LGSN: variants seen among roughly 807,000 people sequenced by gnomAD.
The protein encoded by LGSN is lengsin, lens protein with glutamine synthetase domain.
A neutral mutation model predicts 19.5 loss-of-function variants in LGSN; 21 were observed. The ratio of observed to expected loss-of-function variants is 1.07; its 90% CI spans 0.76 to 1.55. The LOEUF (loss-of-function observed/expected upper bound fraction) is 1.55. Among genes scored for constraint, LGSN ranks in the 40% most tolerant of loss-of-function variants. The pLI is 0.00. For synonymous variants in LGSN, 257 were observed against 215.6 expected, an observed-to-expected ratio of 1.19 and a Z score of -1.68; for missense variants, 673 against 608.5, an observed-to-expected ratio of 1.11 and a Z score of -1.12.
At chr6:63,296,482 A>G (rs1451922974) in intron 1 of LGSN, among the ~76,000 whole-genome samples, 1 of 151,154 alleles carries the variant, frequency 6.6e-6, no homozygotes, top group African/African-American at 2.4e-5. Context: ...GCATATGTAT[A>G]TATTTATTTT....
At chr6:63,349,164 C>CCATA in the LGSN span, among the ~76,000 whole-genome samples, 4,933 of 152,250 alleles carry the variant, frequency 0.032, 219 homozygotes, top group African/African-American at 0.1. Context: ...TTCTTACATG[C>CCATA]CATAGGCTGC....
At chr6:63,436,373 T>C in the LGSN span, among the ~76,000 whole-genome samples, 1 of 152,186 alleles carries the variant, frequency 6.6e-6, no homozygotes, top group South Asian at 2.1e-4. Flanking sequence ...AGTGCTGGGA[T>C]TATAGGCATG....
chr6:63,378,620 A>C, the LGSN span, among the ~76,000 whole-genome samples: 1 of 152,184 alleles, frequency 6.6e-6, no homozygotes, highest in Non-Finnish European at 1.5e-5. Context: ...AGGCAACGGA[A>C]AGGCACATGC....
chr6:63,390,447 T>A, the LGSN span, among the ~76,000 whole-genome samples: 17 of 151,828 alleles, frequency 1.1e-4, no homozygotes, highest in Non-Finnish European at 2.2e-4. Flanking sequence ...CAAATTTTGA[T>A]CAACTATTAT....
chr6:63,432,102 AAAGAAAGAAAGAAAGAAAG>A, the LGSN span, among the ~76,000 whole-genome samples: 1 of 87,938 alleles, frequency 1.1e-5, no homozygotes, highest in Non-Finnish European at 2.3e-5. Context: ...AGAAAGAAAG[AAAGAAAGAAAGAAAGAAAG>A]AAAGAAAGAA....
At chr6:63,568,154 C>G in the LGSN span, among the ~76,000 whole-genome samples, 1 of 152,240 alleles carries the variant, frequency 6.6e-6, no homozygotes, top group Non-Finnish European at 1.5e-5. Context: ...GCACTTTTAA[C>G]TTCCTTCAAG....
the LGSN span, among the ~76,000 whole-genome samples, chr6:63,452,349 A>G: frequency 6.6e-6 from 1 of 152,046 alleles, no homozygotes. Context: ...CGTGGGCTGA[A>G]GCAATACTCC....
the LGSN span, among the ~76,000 whole-genome samples, chr6:63,368,749 G>T: frequency 6.6e-6 from 1 of 152,164 alleles, no homozygotes; most frequent in Non-Finnish European, 1.5e-5. Context: ...TGAAGACAAA[G>T]ATTTTTATCT....
chr6:63,435,172 T>C, the LGSN span, among the ~76,000 whole-genome samples: 1 of 152,242 alleles, frequency 6.6e-6, no homozygotes, highest in South Asian at 2.1e-4. Flanking sequence ...AGAAGATAAG[T>C]GTGGCATCAA....
upstream of LGSN, among the ~76,000 whole-genome samples, chr6:63,323,029 C>A (rs886705740): frequency 4.6e-5 from 7 of 152,136 alleles, no homozygotes; most frequent in African/African-American, 1.7e-4. Context: ...AGTTTAAAAT[C>A]ATTTTAATTT....
the LGSN span, among the ~76,000 whole-genome samples, chr6:63,561,833 C>T: frequency 6.6e-6 from 1 of 152,242 alleles, no homozygotes; most frequent in Non-Finnish European, 1.5e-5. Flanking sequence ...AACATGGAAT[C>T]AGAACGAAAG....
the LGSN span, among the ~76,000 whole-genome samples, chr6:63,434,311 G>A: frequency 1.3e-5 from 2 of 150,588 alleles, no homozygotes; most frequent in African/African-American, 2.4e-5. Context: ...ATGGTGGTGG[G>A]CGCCTGTGAT....
the LGSN span, among the ~76,000 whole-genome samples, chr6:63,406,181 C>G: frequency 6.6e-6 from 1 of 152,112 alleles, no homozygotes; most frequent in Non-Finnish European, 1.5e-5. Flanking sequence ...GCAGACCTAA[C>G]AGACATCTAC....
At chr6:63,337,387 C>T in the LGSN span, among the ~76,000 whole-genome samples, 1 of 151,688 alleles carries the variant, frequency 6.6e-6, no homozygotes, top group Non-Finnish European at 1.5e-5. Flanking sequence ...CACTTGAACC[C>T]AAGAGGCAGA....
At chr6:63,416,936 C>CATATGTATGT in the LGSN span, among the ~76,000 whole-genome samples, 3 of 118,400 alleles carry the variant, frequency 2.5e-5, no homozygotes, top group African/African-American at 1.1e-4. Flanking sequence ...TGTATGTACA[C>CATATGTATGT]ACACACACAC....
At position 63,290,637 on chromosome 6, in the gene LGSN, C is replaced by T. The variant is rs1393277345; in HGVS notation, c.163+4276G>A. 2.0e-5 allele frequency among the ~76,000 whole-genome samples: 3 copies of T among 152,204 alleles called. No homozygotes were observed. The East Asian group carries it at 5.8e-4, about 29-fold the overall frequency. On this transcript the variant is annotated intron_variant, in intron 2 of 3. Coordinates refer to ENST00000370657, the MANE Select transcript of LGSN (RefSeq NM_016571.3). Reference sequence around the variant, plus strand: ...GGAACTCTGAGGTAGTCTAGATGGGCAGGCAACCTCTACTTCACGGGGTGG... The same window carrying T: ...GGAACTCTGAGGTAGTCTAGATGGGTAGGCAACCTCTACTTCACGGGGTGG...
the LGSN span, among the ~76,000 whole-genome samples, chr6:63,467,949 C>T: frequency 5.9e-4 from 90 of 152,152 alleles, 1 homozygote; most frequent in African/African-American, 2.1e-3. Context: ...GCCTCAGCCT[C>T]ACTAAGTGCT....
chr6:63,335,787 C>CT, the LGSN span, among the ~76,000 whole-genome samples: 1 of 152,024 alleles, frequency 6.6e-6, no homozygotes, highest in African/African-American at 2.4e-5. Flanking sequence ...AAAAATAGAA[C>CT]TACCGTACAA....
chr6:63,523,889 CATA>C, the LGSN span, among the ~76,000 whole-genome samples: 346 of 152,130 alleles, frequency 2.3e-3, 2 homozygotes, highest in Middle Eastern at 0.014. Flanking sequence ...CTACTCCTAG[CATA>C]ATAATGTTTT....
Sources: allele counts gnomAD v4.1 joint callset (sites outside exome capture counted in the v4.1 genomes callset), GRCh38; gene constraint gnomAD v4.1.1; transcripts MANE v1.5; gene names NCBI Gene and HGNC (gene_info 2026-07-23, HGNC 2026-07-21).